AQP9: variants seen among roughly 807,000 people sequenced by gnomAD.
AQP9 encodes aquaporin-9.
AQP9 carries 19 observed loss-of-function variants against 23.8 expected under a neutral mutation model. That is an observed-to-expected ratio of 0.80 (90% CI 0.56 to 1.17). The LOEUF is 1.17. Ranked by LOEUF, AQP9 falls within the 50% of genes most tolerant of loss-of-function variation. The pLI is 0.00. For missense variants in AQP9, 413 were observed against 362.0 expected, an observed-to-expected ratio of 1.14 and a Z score of -1.14; for synonymous variants, 153 against 131.5, an observed-to-expected ratio of 1.16 and a Z score of -1.12.
intron 1 of AQP9, among the ~76,000 whole-genome samples, chr15:58,157,255 C>T (rs554144212): frequency 6.6e-6 from 1 of 152,176 alleles, no homozygotes; most frequent in Non-Finnish European, 1.5e-5. Flanking sequence ...AACTCATGTT[C>T]TTGGGTCATG....
chr15:58,176,919 T>C (rs2140630471), intron 4 of AQP9, among the ~76,000 whole-genome samples: 1 of 152,304 alleles, frequency 6.6e-6, no homozygotes, highest in Non-Finnish European at 1.5e-5. Context: ...CTGAGCTTCC[T>C]TCATTGTGTC....
intron 1 of AQP9, among the ~76,000 whole-genome samples, chr15:58,144,682 AAG>A (rs1438056822): frequency 2.6e-5 from 4 of 152,192 alleles, no homozygotes; most frequent in African/African-American, 9.7e-5. Context: ...TGCACGAAAA[AAG>A]AGAGGGATGG....
At chr15:58,162,553 T>C (rs541522253) in intron 1 of AQP9, among the ~76,000 whole-genome samples, 4 of 152,264 alleles carry the variant, frequency 2.6e-5, no homozygotes, top group African/African-American at 9.6e-5. Context: ...TTTAGGATGT[T>C]GTAGGGAGAA....
At chr15:58,156,274 A>G (rs1398035967) in intron 1 of AQP9, among the ~76,000 whole-genome samples, 1 of 152,232 alleles carries the variant, frequency 6.6e-6, no homozygotes, top group African/African-American at 2.4e-5. Context: ...TAGTGCTTTT[A>G]TATACTTCAT....
intron 1 of AQP9, among the ~76,000 whole-genome samples, chr15:58,160,276 T>A (rs1898348245): frequency 1.3e-5 from 2 of 152,014 alleles, no homozygotes; most frequent in Admixed American, 6.6e-5. Flanking sequence ...TTCATATGCC[T>A]GTTGGCCACT....
chr15:58,166,840 A>G, intron 2 of AQP9, 41 bp downstream of exon 2: 1 of 1,606,332 alleles, frequency 6.2e-7, no homozygotes. Context: ...TAATTCAGCC[A>G]CTCCAATGTG....
At chr15:58,175,065 T>G in intron 4 of AQP9, 29 bp downstream of exon 4, 1 of 1,564,986 alleles carries the variant, frequency 6.4e-7, no homozygotes, top group Non-Finnish European at 8.8e-7. Context: ...AAGACTTAAC[T>G]TTGGTGAAAA....
At chr15:58,180,972 G>C (rs1898874427) in intron 5 of AQP9, among the ~76,000 whole-genome samples, 1 of 152,160 alleles carries the variant, frequency 6.6e-6, no homozygotes, top group Non-Finnish European at 1.5e-5. Context: ...CTTATTCCCA[G>C]AGCCCAGAAT....
intron 1 of AQP9, among the ~76,000 whole-genome samples, chr15:58,160,200 C>T (rs551323427): frequency 8.5e-4 from 129 of 152,112 alleles, no homozygotes; most frequent in Non-Finnish European, 1.6e-3. Flanking sequence ...TGGGGTGAGA[C>T]GCTATCTCAT....
At chr15:58,145,010 T>A (rs1446178641) in intron 1 of AQP9, among the ~76,000 whole-genome samples, 9 of 115,448 alleles carry the variant, frequency 7.8e-5, no homozygotes, top group Middle Eastern at 5.5e-3. Flanking sequence ...TGAGACTCCA[T>A]CTCAAAAAAA....
chr15:58,149,804 T>C (rs1229099840), intron 1 of AQP9, among the ~76,000 whole-genome samples: 3 of 152,184 alleles, frequency 2.0e-5, no homozygotes, highest in South Asian at 2.1e-4. Flanking sequence ...TACAAACTTA[T>C]AGGAGCAGGG....
chr15:58,179,242 G>T lies in AQP9; in HGVS notation c.610G>T (p.Ala204Ser), dbSNP rs1566991205. Residue 204 changes from alanine (A) to serine (S), a missense_variant, in exon 5 of 6, where the codon GCT (alanine) becomes TCT (serine). Ala to Ser is a moderately conservative substitution (Grantham distance 99). Coordinates refer to ENST00000219919, the MANE Select transcript of AQP9 (RefSeq NM_020980.5). ...CATCGGCCTCCTGATTATTGTCATT[G>T]CTTCCTCCCTGGGACTGAACAGTGG... ...IAIGLLIIVIASSLGLNSGCA... is the reference protein window; with the variant it reads ...IAIGLLIIVISSSLGLNSGCA... The T allele has an allele frequency of 1.9e-6, 3 of 1,614,186 alleles. No individual in the cohort carries two copies. The highest frequency in any genetic ancestry group is 1.7e-6 in the Non-Finnish European group (2 of 1,180,018).
intron 1 of AQP9, among the ~76,000 whole-genome samples, chr15:58,145,768 G>A (rs1898033744): frequency 6.6e-6 from 1 of 152,062 alleles, no homozygotes; most frequent in South Asian, 2.1e-4. Flanking sequence ...TTTCTCTTGG[G>A]TTCTGTCTCC....
intron 4 of AQP9, 44 bp from the exon 5 acceptor site, chr15:58,179,084 G>T: frequency 7.2e-7 from 1 of 1,391,618 alleles, no homozygotes; most frequent in Non-Finnish European, 1.0e-6. Flanking sequence ...ATGCAGGTGA[G>T]CAGAATGCAG....
Position 58,166,391 on chromosome 15 carries a change from T to G in AQP9, c.112-282T>G, listed in dbSNP as rs529479698. On this transcript the variant is annotated intron_variant, in intron 1 of 5. Coordinates refer to ENST00000219919, the MANE Select transcript of AQP9 (RefSeq NM_020980.5). ...ATAAAAAATTTAATTTTAAAGAAAA[T>G]CAGATACCTAGATCATTGTGTGAAA... Among the ~76,000 whole-genome samples, 7 of 152,248 alleles carry G rather than the reference T, an allele frequency of 4.6e-5. No homozygotes were observed. In the South Asian group the frequency reaches 1.5e-3, roughly 32 times the overall value.
chr15:58,185,210 A>G lies in AQP9; in HGVS notation c.*1075A>G, dbSNP rs1045401022. The stretch of plus-strand genomic sequence containing the variant: ...CCCATTTTTCAGATAAAGAAACAAA[A>G]TCTTAGGGAAGATAAGTTGAGTTGT... On this transcript the variant is annotated 3_prime_UTR_variant, in exon 6 of 6. Transcript: ENST00000219919. 1.3e-5 allele frequency: 2 copies of G among 152,606 alleles called. No individual in the cohort carries two copies. Among genetic ancestry groups the G allele is most frequent in the African/African-American group, 4.8e-5 (2 of 41,468 alleles). The allele number at this position is 152,606 out of a possible 1,614,324, so 9.5% of individuals were successfully genotyped here. A position where few individuals can be genotyped will look rare whatever the true frequency, so the allele number is the denominator to read the frequency against.
At chr15:58,175,734 T>C (rs1020779301) in intron 4 of AQP9, among the ~76,000 whole-genome samples, 5 of 115,634 alleles carry the variant, frequency 4.3e-5, no homozygotes, top group Non-Finnish European at 8.0e-5. Context: ...TCAGGACTTA[T>C]ACAGTGGAGC....
chr15:58,185,749 G>A lies in AQP9; in HGVS notation c.*1614G>A, dbSNP rs1367976341. The stretch of plus-strand genomic sequence containing the variant: ...AGCCCAGAATTCCCAAAGGCATTAG[G>A]TTTCCCAACTGCTTTGTGCTGATAT... On this transcript the variant is annotated 3_prime_UTR_variant, in exon 6 of 6. Transcript: ENST00000219919. The A allele has an allele frequency of 6.6e-6, 1 of 152,200 alleles. No individual in the cohort carries two copies. Among genetic ancestry groups the A allele is most frequent in the African/African-American group, 2.4e-5 (1 of 41,440 alleles). 9.4% of individuals were successfully genotyped at this position (152,200 alleles called of 1,614,324 possible).
intron 1 of AQP9, among the ~76,000 whole-genome samples, chr15:58,144,971 G>A (rs34829124): frequency 0.046 from 6,198 of 135,206 alleles, 190 homozygotes; most frequent in Non-Finnish European, 0.066. Context: ...CTGAGATTGC[G>A]CCACTGCACT....
Sources: gnomAD v4.1 joint callset for allele counts (sites outside exome capture counted in the v4.1 genomes callset) on GRCh38, gnomAD v4.1.1 for gene constraint, MANE v1.5 for transcripts, NCBI Gene and HGNC (gene_info 2026-07-23, HGNC 2026-07-21) for gene names.